Variants in SCYL2 observed in about 807,000 individuals in gnomAD.
SCYL2 encodes the protein SCY1 like pseudokinase 2.
SCYL2 carries 36 observed loss-of-function variants against 100.4 expected under a neutral mutation model. The ratio of observed to expected loss-of-function variants is 0.36; its 90% confidence interval spans 0.27 to 0.47. The LOEUF is 0.47. Among genes scored for constraint, SCYL2 ranks in the 20% least tolerant of loss-of-function variants. SCYL2 has a pLI of 1.00. For synonymous variants in SCYL2, 330 were observed against 359.2 expected (o/e 0.92, Z 0.92); for missense variants, 902 against 1,083.9 (o/e 0.83, Z 2.36).
At chr12:100,287,287 G>C (rs1592934535) in intron 2 of SCYL2, among the ~76,000 whole-genome samples, 1 of 152,118 alleles carries the variant, frequency 6.6e-6, no homozygotes, top group Admixed American at 6.5e-5. Flanking sequence ...TGTTGTTGTT[G>C]TTGTTGTTGT....
intron 2 of SCYL2, among the ~76,000 whole-genome samples, chr12:100,284,303 C>G (rs1223508238): frequency 6.6e-6 from 1 of 152,128 alleles, no homozygotes; most frequent in African/African-American, 2.4e-5. Context: ...TGATAGAACA[C>G]CATTCTCAAC....
Position 100,298,108 on chromosome 12 carries a change from C to T in SCYL2, c.413C>T (p.Ser138Phe), listed in dbSNP as rs2135868609. 1 of 1,607,700 alleles carries T rather than the reference C, an allele frequency of 6.2e-7. No homozygotes were observed. The highest frequency in any genetic ancestry group is 8.5e-7 in the Non-Finnish European group (1 of 1,175,534). The change falls in exon 4 of 18, where the codon TCC becomes TTC. Residue 138 changes from serine (S) to phenylalanine (F), a missense_variant. Ser to Phe is a radical substitution (Grantham distance 155). Coordinates refer to ENST00000360820, the MANE Select transcript of SCYL2 (RefSeq NM_017988.6). ...NVLGNWENLP[S>F]PISPDIKDYK... ...CTTGGTAACTGGGAAAATCTACCTT[C>T]CCCTATATCTCCAGACATTAAGGAT...
chr12:100,280,040 G>A (rs969498078), intron 1 of SCYL2, among the ~76,000 whole-genome samples: 2 of 152,156 alleles, frequency 1.3e-5, no homozygotes, highest in Non-Finnish European at 2.9e-5. Flanking sequence ...TCTGCTCTAT[G>A]CTCTGTAGTT....
chr12:100,302,753 A>G (rs923414695), intron 4 of SCYL2, among the ~76,000 whole-genome samples: 1 of 152,136 alleles, frequency 6.6e-6, no homozygotes, highest in East Asian at 1.9e-4. Context: ...CTCAAGAAGT[A>G]TCTTTGTGGT....
chr12:100,337,593 TA>T, intron 17 of SCYL2, 87 bp downstream of exon 17: 1 of 1,234,984 alleles, frequency 8.1e-7, no homozygotes, highest in Non-Finnish European at 1.2e-6. Context: ...AGTATTTGTA[TA>T]AAAATATATC....
Position 100,312,453 on chromosome 12 carries a change from T to A in SCYL2, c.652T>A (p.Trp218Arg). 1 of 1,612,634 alleles carries A rather than the reference T, an allele frequency of 6.2e-7. No individual in the cohort carries two copies. The highest frequency in any genetic ancestry group is 8.5e-7 in the Non-Finnish European group (1 of 1,179,742). ...ACAGCCTAAATTTCCTTGTAAAGAA[T>A]GGGACCCAAATTTACCTTCATTGTG... is the stretch of plus-strand genomic sequence containing the variant. ...EQEPKFPCKE[W>R]DPNLPSLCLP... The change falls in exon 6 of 18, where the codon TGG becomes AGG. Residue 218 changes from tryptophan to arginine, a missense_variant. Coordinates refer to ENST00000360820, the MANE Select transcript of SCYL2 (RefSeq NM_017988.6).
chr12:100,326,700 C>T lies in SCYL2; in HGVS notation c.1588C>T (p.Pro530Ser), dbSNP rs1435111226. The T allele has an allele frequency of 1.9e-6, 3 of 1,611,676 alleles. No homozygotes were observed. The East Asian group carries it at 6.7e-5, about 36-fold the overall frequency. ...GTGGTTTGTACTTGATGATATCCTA[C>T]CCTTCTTACAACAAATTCCATCCAA... ...DKWFVLDDIL[P>S]FLQQIPSKEP... Residue 530 changes from proline (P) to serine (S), a missense_variant, in exon 12 of 18, where the codon CCC becomes TCC. Transcript: ENST00000360820.
intron 4 of SCYL2, among the ~76,000 whole-genome samples, chr12:100,305,342 T>A (rs1330266115): frequency 5.3e-5 from 8 of 152,172 alleles, no homozygotes; most frequent in Non-Finnish European, 1.0e-4. Flanking sequence ...AACTCAGGAT[T>A]AAGAAACTCA....
intron 10 of SCYL2, among the ~76,000 whole-genome samples, chr12:100,321,101 C>T (rs2096355300): frequency 6.6e-6 from 1 of 152,114 alleles, no homozygotes; most frequent in African/African-American, 2.4e-5. Context: ...CCATGCCTGG[C>T]TCATTTTTAA....
chr12:100,335,750 T>C, intron 15 of SCYL2, 59 bp downstream of exon 15: 1 of 1,591,916 alleles, frequency 6.3e-7, no homozygotes. Flanking sequence ...TTTTAATCTT[T>C]AAGCAGCAAA....
intron 3 of SCYL2, among the ~76,000 whole-genome samples, chr12:100,295,880 AG>A (rs2096319704): frequency 6.6e-6 from 1 of 152,148 alleles, no homozygotes; most frequent in South Asian, 2.1e-4. Flanking sequence ...TGGAGTTGCC[AG>A]CCTAGGCTGG....
intron 11 of SCYL2, among the ~76,000 whole-genome samples, chr12:100,324,819 G>A (rs2096359909): frequency 6.6e-6 from 1 of 152,000 alleles, no homozygotes; most frequent in Non-Finnish European, 1.5e-5. Context: ...TAAAATAGAT[G>A]GTAGTAATAT....
chr12:100,288,203 AAG>A (rs1170916351), intron 2 of SCYL2, among the ~76,000 whole-genome samples: 2 of 152,238 alleles, frequency 1.3e-5, no homozygotes. Context: ...GATTGAAACA[AAG>A]AGAAAATATT....
intron 4 of SCYL2, among the ~76,000 whole-genome samples, chr12:100,303,830 A>C (rs549640345): frequency 4.7e-4 from 72 of 152,054 alleles, no homozygotes; most frequent in Non-Finnish European, 9.1e-4. Context: ...GTAGGGAGGA[A>C]TGTTTAAGTC....
At chr12:100,271,360 C>T (rs957982646) in intron 1 of SCYL2, among the ~76,000 whole-genome samples, 9 of 151,172 alleles carry the variant, frequency 6.0e-5, no homozygotes, top group East Asian at 3.9e-4. Context: ...TATAAGCACA[C>T]GTATTTTCCC....
chr12:100,292,642 C>T (rs544111381), intron 3 of SCYL2, among the ~76,000 whole-genome samples: 4 of 152,254 alleles, frequency 2.6e-5, no homozygotes, highest in Admixed American at 1.3e-4. Flanking sequence ...AAAAACTATG[C>T]TAAATGTTTT....
intron 4 of SCYL2, among the ~76,000 whole-genome samples, chr12:100,306,305 A>G (rs1342608772): frequency 6.6e-6 from 1 of 152,224 alleles, no homozygotes; most frequent in Non-Finnish European, 1.5e-5. Flanking sequence ...CTTATCCACC[A>G]TGATCAAGTC....
chr12:100,283,323 T>C (rs570502055), intron 2 of SCYL2, among the ~76,000 whole-genome samples, 176 bp downstream of exon 2: 125 of 152,360 alleles, frequency 8.2e-4, no homozygotes, highest in Non-Finnish European at 1.6e-3. Context: ...CTTTTAAACA[T>C]GCTCTGAATC....
chr12:100,312,145 C>T (rs954165720), intron 5 of SCYL2, among the ~76,000 whole-genome samples: 11 of 152,166 alleles, frequency 7.2e-5, no homozygotes, highest in African/African-American at 2.7e-4. Context: ...ACTTTTGAAG[C>T]CTGTGTATCA....
Sources: allele counts gnomAD v4.1 joint callset (sites outside exome capture counted in the v4.1 genomes callset), GRCh38; gene constraint gnomAD v4.1.1; transcripts MANE v1.5; gene names NCBI Gene and HGNC (gene_info 2026-07-23, HGNC 2026-07-21).